Variants in COL19A1 observed in about 807,000 individuals in gnomAD.
COL19A1 encodes collagen alpha-1(XIX) chain.
COL19A1 carries 159 observed loss-of-function variants against 190.2 expected under a neutral mutation model. The observed-to-expected ratio is 0.84, with a 90% CI of 0.73 to 0.95. COL19A1 has a LOEUF of 0.95. Among genes scored for constraint, COL19A1 ranks in the 40% least tolerant of loss-of-function variants. The pLI is 0.00. For synonymous variants in COL19A1, 509 were observed against 458.9 expected (o/e 1.11, Z -1.39); for missense variants, 1,418 against 1,431.9 (o/e 0.99, Z 0.16).
In COL19A1 at chr6:70,209,210, A is replaced by G. The variant is rs1053820439; in HGVS notation, c.*1936A>G. Reference sequence around the variant, plus strand: ...TATATCTTGAGCTTTTAATTTGTTGAATTTTCTAAACGCTTACAACTTATC... The same window carrying G: ...TATATCTTGAGCTTTTAATTTGTTGGATTTTCTAAACGCTTACAACTTATC... On this transcript the variant is annotated 3_prime_UTR_variant, in exon 51 of 51. Coordinates refer to ENST00000620364, the MANE Select transcript of COL19A1 (RefSeq NM_001858.6). 1 of 152,556 alleles carries G rather than the reference A, an allele frequency of 6.6e-6. No homozygotes were observed. Among genetic ancestry groups the G allele is most frequent in the Non-Finnish European group, 1.5e-5 (1 of 68,034 alleles). The allele number at this position is 152,556 out of a possible 1,614,324, so 9.5% of individuals were successfully genotyped here. A position where few individuals can be genotyped will look rare whatever the true frequency, so the allele number is the denominator to read the frequency against.
chr6:69,973,684 A>C (rs1775555817), intron 11 of COL19A1, among the ~76,000 whole-genome samples: 1 of 152,206 alleles, frequency 6.6e-6, no homozygotes, highest in Non-Finnish European at 1.5e-5. Context: ...CAATCATCAA[A>C]TATCCATAAT....
At chr6:69,954,529 A>C (rs1174339568) in intron 9 of COL19A1, among the ~76,000 whole-genome samples, 1 of 152,106 alleles carries the variant, frequency 6.6e-6, no homozygotes, top group African/African-American at 2.4e-5. Context: ...TACTTTCTAC[A>C]GAAGCATAAT....
chr6:69,900,126 G>T (rs902671165), intron 3 of COL19A1, 113 bp from the exon 4 acceptor site: 2 of 540,866 alleles, frequency 3.7e-6, no homozygotes, highest in East Asian at 3.5e-5. Flanking sequence ...ATCCCAAGCA[G>T]CAAGATTTCG....
chr6:70,208,575 AT>A lies in COL19A1; in HGVS notation c.*1303del, dbSNP rs1438957730. 2 of 152,484 alleles carry A rather than the reference AT, an allele frequency of 1.3e-5. No individual in the cohort carries two copies. The highest frequency in any genetic ancestry group is 4.8e-5 in the African/African-American group (2 of 41,454). 9.4% of individuals were successfully genotyped at this position (152,484 alleles called of 1,614,324 possible). A position where few individuals can be genotyped will look rare whatever the true frequency, so the allele number is the denominator to read the frequency against. On this transcript the variant is annotated 3_prime_UTR_variant, in exon 51 of 51. Transcript: ENST00000620364. ...AGGAACTGTTGATTGGCAGGCACTG[AT>A]TCTCTAGAACACTGGGCATGAGGAT...
At chr6:70,184,595 C>A in intron 44 of COL19A1, 108 bp from the exon 45 acceptor site, 1 of 854,052 alleles carries the variant, frequency 1.2e-6, no homozygotes, top group Non-Finnish European at 1.8e-6. Context: ...CTTTACCAAG[C>A]TCTCAGTAGA....
intron 11 of COL19A1, among the ~76,000 whole-genome samples, chr6:69,998,858 C>T (rs1777080956): frequency 6.6e-6 from 1 of 152,102 alleles, no homozygotes; most frequent in Non-Finnish European, 1.5e-5. Context: ...ATCCATACAT[C>T]TATCCATCTC....
chr6:70,083,147 C>T (rs1020383359), intron 15 of COL19A1, among the ~76,000 whole-genome samples: 4 of 152,178 alleles, frequency 2.6e-5, no homozygotes, highest in African/African-American at 9.7e-5. Flanking sequence ...TCATGTCTTA[C>T]ATTAAAAACT....
chr6:70,186,759 A>G (rs1766542505), intron 46 of COL19A1, among the ~76,000 whole-genome samples: 1 of 152,170 alleles, frequency 6.6e-6, no homozygotes, highest in Non-Finnish European at 1.5e-5. Context: ...CACATACAGT[A>G]GTAGACACAT....
At chr6:70,130,972 T>A (rs902717155) in intron 18 of COL19A1, 1 of 430,550 alleles carries the variant, frequency 2.3e-6, no homozygotes, top group Non-Finnish European at 4.8e-6. Flanking sequence ...CCAGTAGTGG[T>A]TTAACCAAAT....
At chr6:69,937,514 C>T (rs930186232) in intron 8 of COL19A1, among the ~76,000 whole-genome samples, 1 of 152,074 alleles carries the variant, frequency 6.6e-6, no homozygotes, top group Admixed American at 6.6e-5. Flanking sequence ...AAAGCCTGTG[C>T]TAAAAGGCTG....
At chr6:70,087,688 A>G (rs1255047598) in intron 15 of COL19A1, among the ~76,000 whole-genome samples, 3 of 152,212 alleles carry the variant, frequency 2.0e-5, no homozygotes, top group Non-Finnish European at 4.4e-5. Flanking sequence ...ATGCTATTCA[A>G]GTCTGAAAAC....
intron 11 of COL19A1, among the ~76,000 whole-genome samples, chr6:70,010,774 G>A (rs1482279317): frequency 7.8e-6 from 1 of 127,966 alleles, no homozygotes; most frequent in Non-Finnish European, 1.6e-5. Flanking sequence ...GCGGCAACGA[G>A]GCTGGGGGAG....
intron 11 of COL19A1, among the ~76,000 whole-genome samples, chr6:69,967,662 G>T (rs2150051596): frequency 6.6e-6 from 1 of 151,884 alleles, no homozygotes; most frequent in African/African-American, 2.4e-5. Flanking sequence ...TTTTTTTATT[G>T]TCTTCTTCTT....
chr6:70,046,975 A>T (rs1461591401), intron 14 of COL19A1, among the ~76,000 whole-genome samples: 1 of 152,118 alleles, frequency 6.6e-6, no homozygotes, highest in Non-Finnish European at 1.5e-5. Context: ...ACTTTTTGAA[A>T]TTCCACGTTT....
At chr6:69,933,071 G>A (rs1772884449) in intron 7 of COL19A1, among the ~76,000 whole-genome samples, 1 of 151,762 alleles carries the variant, frequency 6.6e-6, no homozygotes, top group South Asian at 2.1e-4. Flanking sequence ...TAATTTTGAG[G>A]GTAATATATA....
At chr6:70,009,556 A>G (rs560844650) in intron 11 of COL19A1, among the ~76,000 whole-genome samples, 4 of 152,114 alleles carry the variant, frequency 2.6e-5, no homozygotes, top group East Asian at 1.9e-4. Flanking sequence ...GGAAATCTCA[A>G]TGAAAATCTG....
At chr6:69,957,204 G>A (rs1358379379) in intron 9 of COL19A1, among the ~76,000 whole-genome samples, 1 of 151,958 alleles carries the variant, frequency 6.6e-6, no homozygotes, top group East Asian at 1.9e-4. Context: ...ATAATTTATA[G>A]TTTATGACCA....
At chr6:69,915,644 T>C (rs73746816) in intron 4 of COL19A1, among the ~76,000 whole-genome samples, 4,687 of 152,226 alleles carry the variant, frequency 0.031, 244 homozygotes, top group African/African-American at 0.1. Context: ...AAAACCATAA[T>C]GTAGGATTGG....
chr6:70,073,945 T>C (rs1346584408), intron 15 of COL19A1, among the ~76,000 whole-genome samples: 4 of 152,236 alleles, frequency 2.6e-5, no homozygotes, highest in African/African-American at 4.8e-5. Flanking sequence ...TAATGAATTA[T>C]GTTATTAATA....
Sources: gnomAD v4.1 joint callset for allele counts (sites outside exome capture counted in the v4.1 genomes callset) on GRCh38, gnomAD v4.1.1 for gene constraint, MANE v1.5 for transcripts, NCBI Gene and HGNC (gene_info 2026-07-23, HGNC 2026-07-21) for gene names.